The following RBM46 variants were observed in gnomAD, a reference collection of about 807,000 sequenced individuals.
RBM46 encodes the protein probable RNA-binding protein 46.
In RBM46, 12 loss-of-function variants were observed where a neutral mutation model predicts 43.3. The observed-to-expected ratio is 0.28, with a 90% confidence interval of 0.18 to 0.45. RBM46 has a LOEUF of 0.45. RBM46 is among the 20% of genes least tolerant of loss of function. The probability of loss-of-function intolerance (pLI) is 1.00; values close to 1 mark genes in which losing one functional copy is unlikely to be tolerated. For missense variants in RBM46, 412 were observed against 639.1 expected (o/e 0.64, Z 3.83); for synonymous variants, 205 against 207.6 (o/e 0.99, Z 0.11).
chr4:154,813,253 A>G (rs1036969200), intron 4 of RBM46, among the ~76,000 whole-genome samples: 1 of 152,198 alleles, frequency 6.6e-6, no homozygotes, highest in Non-Finnish European at 1.5e-5. Context: ...TGGTTAAATT[A>G]TGAATGGTGG....
intron 1 of RBM46, among the ~76,000 whole-genome samples, chr4:154,786,407 G>A (rs745827758): frequency 4.0e-5 from 6 of 151,770 alleles, no homozygotes; most frequent in Non-Finnish European, 7.4e-5. Flanking sequence ...TCTTATTAGT[G>A]GTTCTGATTA....
intron 4 of RBM46, chr4:154,827,106 A>T: frequency 9.5e-7 from 1 of 1,057,994 alleles, no homozygotes; most frequent in Non-Finnish European, 1.1e-6. Context: ...TAAATGTTGC[A>T]GTTAATGAAA....
rs749854271 is a variant in RBM46, at chr4:154,799,365, C to T, written c.1203C>T (p.Tyr401=). The change falls in exon 4 of 5, where the codon TAC becomes TAT. Residue 401 remains tyrosine (Y), a synonymous_variant. Transcript: ENST00000281722. ...FNSAVMHLDY[Y]CNKNNWAPPE... ...CTGCAGTAATGCATTTGGATTATTA[C>T]TGCAACAAAAATAACTGGGCACCAC... is the stretch of plus-strand genomic sequence containing the variant. 17 of 1,613,906 alleles carry T rather than the reference C, an allele frequency of 1.1e-5. No homozygotes were observed. Among genetic ancestry groups the T allele is most frequent in the Non-Finnish European group, 1.4e-5 (17 of 1,179,892 alleles).
chr4:154,802,956 A>G (rs557776960), intron 4 of RBM46, among the ~76,000 whole-genome samples: 2 of 152,276 alleles, frequency 1.3e-5, no homozygotes, highest in African/African-American at 4.8e-5. Context: ...TTTAATATCC[A>G]TACAGTTTTG....
chr4:154,811,651 ATGTGTGTGTGTGTGTGTCTGTGTGTGTG>A (rs1735177383), intron 4 of RBM46, among the ~76,000 whole-genome samples: 1 of 132,528 alleles, frequency 7.5e-6, no homozygotes, highest in African/African-American at 2.8e-5. Flanking sequence ...TAGATAGGAT[ATGTGTGTGTGTGTGTGTCTGTGTGTGTG>A]TGTGTGTGTG....
intron 4 of RBM46, among the ~76,000 whole-genome samples, chr4:154,815,807 T>A (rs17032066): frequency 0.1 from 15,649 of 152,064 alleles, 1,691 homozygotes; most frequent in African/African-American, 0.27. Flanking sequence ...TCAATCTTAC[T>A]TGTGCCATTT....
At chr4:154,806,807 T>A (rs1734928926) in intron 4 of RBM46, among the ~76,000 whole-genome samples, 1 of 151,888 alleles carries the variant, frequency 6.6e-6, no homozygotes, top group African/African-American at 2.4e-5. Context: ...TACTTAAAAG[T>A]TTGGAAACTA....
intron 1 of RBM46, among the ~76,000 whole-genome samples, chr4:154,795,484 T>C (rs1463938239): frequency 6.6e-6 from 1 of 152,212 alleles, no homozygotes; most frequent in Non-Finnish European, 1.5e-5. Flanking sequence ...AAAAAATCTA[T>C]TAATGTATTT....
intron 1 of RBM46, among the ~76,000 whole-genome samples, chr4:154,785,337 G>C (rs368962221): frequency 1.3e-5 from 2 of 151,676 alleles, no homozygotes; most frequent in South Asian, 4.2e-4. Flanking sequence ...CAAAAAATAG[G>C]TCTGTAAGGT....
At chr4:154,827,440 T>C in intron 4 of RBM46, 1 of 995,742 alleles carries the variant, frequency 1.0e-6, no homozygotes, top group Non-Finnish European at 1.2e-6. Context: ...ATGTTTCTGC[T>C]GGTTTGATGC....
At chr4:154,808,630 C>G (rs920960088) in intron 4 of RBM46, among the ~76,000 whole-genome samples, 1 of 151,706 alleles carries the variant, frequency 6.6e-6, no homozygotes, top group Non-Finnish European at 1.5e-5. Flanking sequence ...TCTGTAGTTA[C>G]GAATTTATGA....
intron 1 of RBM46, among the ~76,000 whole-genome samples, chr4:154,787,452 C>T (rs1294566173): frequency 2.6e-5 from 4 of 151,268 alleles, no homozygotes; most frequent in Non-Finnish European, 5.9e-5. Flanking sequence ...TCTGTCCTTG[C>T]CATAGTTTGC....
chr4:154,792,626 T>C (rs143204434), intron 1 of RBM46, among the ~76,000 whole-genome samples: 1 of 152,144 alleles, frequency 6.6e-6, no homozygotes, highest in Non-Finnish European at 1.5e-5. Context: ...TTCTGTGATA[T>C]AAGTACATAT....
intron 1 of RBM46, among the ~76,000 whole-genome samples, chr4:154,789,430 A>G (rs1465958837): frequency 6.6e-6 from 1 of 152,178 alleles, no homozygotes; most frequent in Non-Finnish European, 1.5e-5. Flanking sequence ...TTTTGAGATA[A>G]TCATGTGGTT....
At chr4:154,816,611 A>AT (rs1292224293) in intron 4 of RBM46, among the ~76,000 whole-genome samples, 1 of 151,916 alleles carries the variant, frequency 6.6e-6, no homozygotes, top group Non-Finnish European at 1.5e-5. Flanking sequence ...CTCTACAGTA[A>AT]TTTTTCTGCA....
intron 1 of RBM46, among the ~76,000 whole-genome samples, chr4:154,791,735 A>G (rs1226560276): frequency 6.6e-6 from 1 of 152,230 alleles, no homozygotes; most frequent in Non-Finnish European, 1.5e-5. Context: ...AGAATAAAAA[A>G]TAAGATGCAT....
chr4:154,798,073 G>A lies in RBM46; in HGVS notation c.414G>A (p.Leu138=). The change falls in exon 3 of 5, where the codon CTG becomes CTA. Residue 138 remains leucine, a synonymous_variant. Transcript: ENST00000281722. ...PGKFIGVCVS[L]DNCRLFIGAI... is the part of the protein sequence containing the mutation. ...AGTTTATTGGTGTGTGTGTAAGCCT[G>A]GATAATTGTAGATTATTTATTGGAG... 6.2e-7 allele frequency: 1 copy of A among 1,613,846 alleles called. No homozygotes were observed. Among genetic ancestry groups the A allele is most frequent in the East Asian group, 2.2e-5 (1 of 44,862 alleles).
intron 4 of RBM46, among the ~76,000 whole-genome samples, chr4:154,822,671 A>G (rs1735773860): frequency 6.6e-6 from 1 of 151,700 alleles, no homozygotes; most frequent in South Asian, 2.1e-4. Flanking sequence ...TTGAAATAAT[A>G]ATAAAATGGT....
intron 4 of RBM46, among the ~76,000 whole-genome samples, chr4:154,802,912 A>T (rs1343500887): frequency 6.6e-6 from 1 of 152,156 alleles, no homozygotes; most frequent in Non-Finnish European, 1.5e-5. Context: ...GTCATTTTTT[A>T]AATTAATATT....
Sources: allele counts gnomAD v4.1 joint callset (sites outside exome capture counted in the v4.1 genomes callset), GRCh38; gene constraint gnomAD v4.1.1; transcripts MANE v1.5; gene names NCBI Gene and HGNC (gene_info 2026-07-23, HGNC 2026-07-21).